Variants in MRTFA observed in about 807,000 individuals in gnomAD.
The protein encoded by MRTFA is myocardin related transcription factor A, also known as myocardin-related transcription factor A.
MRTFA carries 20 observed loss-of-function variants against 83.5 expected under a neutral mutation model. The observed-to-expected ratio is 0.24, with a 90% CI of 0.17 to 0.35. The LOEUF (loss-of-function observed/expected upper bound fraction) is 0.35, where lower values mean the gene tolerates loss of function less well. MRTFA is among the 10% of genes least tolerant of loss of function. The pLI, the probability that MRTFA is intolerant of heterozygous loss-of-function variation, is 1.00. For synonymous variants in MRTFA, 659 were observed against 541.2 expected, an observed-to-expected ratio of 1.22 and a Z score of -3.02; for missense variants, 1,200 against 1,224.7, an observed-to-expected ratio of 0.98 and a Z score of 0.30.
chr22:40,540,538 C>T (rs1351842717), intron 3 of MRTFA, among the ~76,000 whole-genome samples: 2 of 151,996 alleles, frequency 1.3e-5, no homozygotes, highest in Non-Finnish European at 2.9e-5. Flanking sequence ...ACCTGTAATT[C>T]CAGCACTTTG....
At chr22:40,446,516 T>A (rs897423285) in intron 4 of MRTFA, among the ~76,000 whole-genome samples, 2 of 152,040 alleles carry the variant, frequency 1.3e-5, no homozygotes, top group Non-Finnish European at 2.9e-5. Context: ...AGCACAGGAA[T>A]CTGAGGAGGG....
Position 40,451,979 on chromosome 22 carries a change from T to G in MRTFA, c.307+11242A>C, listed in dbSNP as rs1004673338. Among the ~76,000 whole-genome samples the G allele has an allele frequency of 5.4e-5, 6 of 110,414 alleles. No individual in the cohort carries two copies. In the East Asian group the frequency reaches 1.9e-3, roughly 35 times the overall value. 72.4% of individuals were successfully genotyped at this position (110,414 alleles called of 152,430 possible). On this transcript the variant is annotated intron_variant, in intron 4 of 14. Coordinates refer to ENST00000355630, the MANE Select transcript of MRTFA (RefSeq NM_020831.6). ...GGCTGAAGTTTTTTTTTTTTGGTTT[T>G]TTTTTTTTTTTTTTTTTTTTTTGAG...
intron 3 of MRTFA, among the ~76,000 whole-genome samples, chr22:40,549,661 TAAC>T (rs537498521): frequency 9.9e-5 from 15 of 152,224 alleles, no homozygotes; most frequent in Admixed American, 2.6e-4. Flanking sequence ...TTTGTGATAA[TAAC>T]AACACTTATA....
intron 6 of MRTFA, 77 bp from the exon 7 acceptor site, chr22:40,429,844 C>T: frequency 1.4e-6 from 2 of 1,433,450 alleles, no homozygotes; most frequent in East Asian, 2.3e-5. Flanking sequence ...CAGAGCAGCT[C>T]TCCTTCCTCC....
intron 1 of MRTFA, among the ~76,000 whole-genome samples, chr22:40,603,784 T>C (rs1386268382): frequency 6.6e-6 from 1 of 151,618 alleles, no homozygotes; most frequent in East Asian, 1.9e-4. Context: ...CTTTTTTTTT[T>C]TTTAATTTAT....
At chr22:40,477,435 T>TCCCAATC (rs2054017070) in intron 3 of MRTFA, among the ~76,000 whole-genome samples, 1 of 151,466 alleles carries the variant, frequency 6.6e-6, no homozygotes, top group South Asian at 2.1e-4. Flanking sequence ...AACACAGAGG[T>TCCCAATC]CCCAATCCTA....
intron 2 of MRTFA, among the ~76,000 whole-genome samples, chr22:40,592,345 G>A (rs981378520): frequency 4.6e-5 from 7 of 151,214 alleles, no homozygotes; most frequent in Admixed American, 2.6e-4. Flanking sequence ...CTACTCCGGA[G>A]GCTGAGGCAG....
chr22:40,619,889 CAAA>C (rs1213944103), intron 1 of MRTFA, among the ~76,000 whole-genome samples: 3 of 52,434 alleles, frequency 5.7e-5, no homozygotes, highest in Admixed American at 2.1e-4. Flanking sequence ...AACTCCGTCT[CAAA>C]AAAAAAAAAA....
intron 1 of MRTFA, among the ~76,000 whole-genome samples, chr22:40,602,213 G>C (rs2056268053): frequency 6.6e-6 from 1 of 152,176 alleles, no homozygotes; most frequent in Non-Finnish European, 1.5e-5. Context: ...GCATTGGAAA[G>C]TGATCATCAT....
chr22:40,454,706 T>A (rs1385154288), intron 4 of MRTFA, among the ~76,000 whole-genome samples: 1 of 152,170 alleles, frequency 6.6e-6, no homozygotes, highest in African/African-American at 2.4e-5. Context: ...TTCAGAAAAG[T>A]TACTGAGTTG....
chr22:40,569,121 T>A (rs907119242), intron 2 of MRTFA, among the ~76,000 whole-genome samples: 4 of 152,126 alleles, frequency 2.6e-5, no homozygotes, highest in Non-Finnish European at 5.9e-5. Flanking sequence ...GTGGGTGCAA[T>A]GGTACACACC....
At chr22:40,448,253 C>T (rs1297051695) in intron 4 of MRTFA, among the ~76,000 whole-genome samples, 2 of 151,916 alleles carry the variant, frequency 1.3e-5, no homozygotes, top group African/African-American at 4.8e-5. Context: ...GAGGTTGCAG[C>T]GAGCCAAGAT....
chr22:40,621,825 T>C (rs962153615), intron 1 of MRTFA, among the ~76,000 whole-genome samples: 8 of 152,230 alleles, frequency 5.3e-5, no homozygotes, highest in African/African-American at 9.6e-5. Context: ...TTAGTACCAG[T>C]AACCCATTTA....
At chr22:40,629,527 C>T (rs2056618307) in intron 1 of MRTFA, among the ~76,000 whole-genome samples, 1 of 151,510 alleles carries the variant, frequency 6.6e-6, no homozygotes, top group Admixed American at 6.6e-5. Context: ...TTTGGGAGGC[C>T]GAGGCGGATG....
chr22:40,424,155 C>T (rs370515433), intron 8 of MRTFA, 51 bp downstream of exon 8: 146 of 1,515,040 alleles, frequency 9.6e-5, no homozygotes, highest in Non-Finnish European at 1.2e-4. Context: ...CCTTACTCTG[C>T]GCAGCCCTAG....
chr22:40,542,685 G>C (rs2055309897), intron 3 of MRTFA, among the ~76,000 whole-genome samples: 1 of 152,100 alleles, frequency 6.6e-6, no homozygotes, highest in East Asian at 1.9e-4. Context: ...GTGAAAAACA[G>C]AAAATGATTC....
intron 3 of MRTFA, among the ~76,000 whole-genome samples, chr22:40,529,311 G>A (rs1022959304): frequency 6.6e-6 from 1 of 152,092 alleles, no homozygotes; most frequent in African/African-American, 2.4e-5. Context: ...ATGGACTGAA[G>A]AAATATTTTA....
Position 40,419,094 on chromosome 22 carries a change from G to T in MRTFA, c.1644C>A (p.Gly548=). Residue 548 remains glycine, a synonymous_variant, in exon 12 of 15, where the codon GGC becomes GGA. Coordinates refer to ENST00000355630, the MANE Select transcript of MRTFA (RefSeq NM_020831.6). Reference sequence around the variant, plus strand: ...GGGTGGGAGACACGGGGGGCGTGGAGCCCGTGCTGCCAAACTTCACCACCC... The same window carrying T: ...GGGTGGGAGACACGGGGGGCGTGGATCCCGTGCTGCCAAACTTCACCACCC... 1 of 1,598,346 alleles carries T rather than the reference G, an allele frequency of 6.3e-7. No individual in the cohort carries two copies. The highest frequency in any genetic ancestry group is 8.5e-7 in the Non-Finnish European group (1 of 1,172,932).
chr22:40,537,114 G>T (rs1451682439), intron 3 of MRTFA, among the ~76,000 whole-genome samples: 1 of 58,166 alleles, frequency 1.7e-5, no homozygotes, highest in Non-Finnish European at 3.5e-5. Flanking sequence ...AGGGAGGTGG[G>T]GGGGTCAGCC....
Sources: gnomAD v4.1 joint callset for allele counts (sites outside exome capture counted in the v4.1 genomes callset) on GRCh38, gnomAD v4.1.1 for gene constraint, MANE v1.5 for transcripts, NCBI Gene and HGNC (gene_info 2026-07-23, HGNC 2026-07-21) for gene names.